PTPRN2: variants seen among roughly 807,000 people sequenced by gnomAD.
The protein encoded by PTPRN2 is protein tyrosine phosphatase receptor type N2.
Under a neutral mutation model 118.8 loss-of-function variants are expected in PTPRN2, and 74 were observed. The observed-to-expected ratio is 0.62, with a 90% CI of 0.52 to 0.76. The LOEUF (loss-of-function observed/expected upper bound fraction) is 0.76. Ranked by LOEUF, PTPRN2 falls within the 30% of genes least tolerant of loss-of-function variation. The probability of loss-of-function intolerance (pLI) is 0.00; values close to 1 mark genes in which losing one functional copy is unlikely to be tolerated. For synonymous variants in PTPRN2, 641 were observed against 608.0 expected, an observed-to-expected ratio of 1.05 and a Z score of -0.80; for missense variants, 1,481 against 1,394.4, an observed-to-expected ratio of 1.06 and a Z score of -0.99.
chr7:158,363,412 T>A (rs1809168363), intron 2 of PTPRN2, among the ~76,000 whole-genome samples: 1 of 152,088 alleles, frequency 6.6e-6, no homozygotes, highest in Non-Finnish European at 1.5e-5. Context: ...GCGAGCCCAA[T>A]TTCGGAAAAA....
intron 2 of PTPRN2, among the ~76,000 whole-genome samples, chr7:158,404,895 T>TC (rs1813275111): frequency 2.7e-4 from 10 of 37,218 alleles, no homozygotes; most frequent in Non-Finnish European, 4.5e-4. Flanking sequence ...CTCCTCGGCC[T>TC]CAGCTCCCCG....
rs575994977 is a variant in PTPRN2, at chr7:158,277,571, C to T, written c.277+39248G>A. 3.9e-5 allele frequency among the ~76,000 whole-genome samples: 6 copies of T among 152,318 alleles called. No individual in the cohort carries two copies. In the South Asian group the frequency reaches 6.2e-4, roughly 16 times the overall value. On this transcript the variant is annotated intron_variant, in intron 3 of 22. Transcript: ENST00000389418. Reference sequence around the variant, plus strand: ...AGTCTCCTCCTCATCACACAGCTCCCGAGGCCTGCCAGAAGCACCCCTTGA... The same window carrying T: ...AGTCTCCTCCTCATCACACAGCTCCTGAGGCCTGCCAGAAGCACCCCTTGA...
intron 6 of PTPRN2, among the ~76,000 whole-genome samples, chr7:158,146,805 C>T (rs185219742): frequency 6.6e-6 from 1 of 151,870 alleles, no homozygotes; most frequent in Non-Finnish European, 1.5e-5. Context: ...GTTCTCACAC[C>T]AGCACAGACA....
chr7:157,976,372 T>C (rs1802747756), intron 11 of PTPRN2, among the ~76,000 whole-genome samples: 1 of 152,188 alleles, frequency 6.6e-6, no homozygotes, highest in Non-Finnish European at 1.5e-5. Flanking sequence ...TAGCACCGGC[T>C]GGCACTCTCC....
rs568344164 is a variant in PTPRN2, at chr7:158,461,435, G to A, written c.163+28300C>T. On this transcript the variant is annotated intron_variant, in intron 2 of 22. Coordinates refer to ENST00000389418, the MANE Select transcript of PTPRN2 (RefSeq NM_002847.5). Reference sequence around the variant, plus strand: ...GGCATAAACCCGGGAGGCAGAGCTTGCAGTGAGCTGAGATGGTGCCACTGC... The same window carrying A: ...GGCATAAACCCGGGAGGCAGAGCTTACAGTGAGCTGAGATGGTGCCACTGC... 1.8e-4 allele frequency among the ~76,000 whole-genome samples: 27 copies of A among 151,412 alleles called. No individual in the cohort carries two copies. In the East Asian group the frequency reaches 4.7e-3, roughly 26 times the overall value.
Position 158,522,366 on chromosome 7 carries a change from C to G in PTPRN2, c.113-32581G>C, listed in dbSNP as rs796574690. Among the ~76,000 whole-genome samples the G allele has an allele frequency of 6.4e-3, 412 of 64,422 alleles. 22 individuals carry two copies. Among genetic ancestry groups the G allele is most frequent in the Middle Eastern group, 9.4e-3 (1 of 106 alleles). 42.3% of individuals were successfully genotyped at this position (64,422 alleles called of 152,430 possible). A position where few individuals can be genotyped will look rare whatever the true frequency, so the allele number is the denominator to read the frequency against. On this transcript the variant is annotated intron_variant, in intron 1 of 22. Transcript: ENST00000389418. The stretch of plus-strand genomic sequence containing the variant: ...GTCACAATGGTGGACTGTCCAGGTG[C>G]TGGCTCGGGAGGGAGGTCCACGTCA...
At chr7:157,665,126 C>T (rs1182262185) in intron 13 of PTPRN2, among the ~76,000 whole-genome samples, 1 of 152,242 alleles carries the variant, frequency 6.6e-6, no homozygotes, top group Non-Finnish European at 1.5e-5. Flanking sequence ...GGGGCACTGA[C>T]ACATTTTTGG....
intron 19 of PTPRN2, among the ~76,000 whole-genome samples, chr7:157,576,254 T>C (rs1406253755): frequency 6.6e-6 from 1 of 152,214 alleles, no homozygotes; most frequent in African/African-American, 2.4e-5. Context: ...TTTCATCCCA[T>C]GCAGCCAGAT....
intron 3 of PTPRN2, among the ~76,000 whole-genome samples, chr7:158,208,718 C>T (rs1450748270): frequency 6.6e-6 from 1 of 152,142 alleles, no homozygotes; most frequent in Non-Finnish European, 1.5e-5. Flanking sequence ...AGGTACAAAA[C>T]TCACTGGTAA....
intron 13 of PTPRN2, among the ~76,000 whole-genome samples, chr7:157,663,218 C>T (rs959161548): frequency 2.6e-5 from 4 of 152,084 alleles, no homozygotes; most frequent in African/African-American, 9.7e-5. Flanking sequence ...GCGAACAGCG[C>T]ACCAGGCCCG....
intron 3 of PTPRN2, among the ~76,000 whole-genome samples, chr7:158,227,936 G>T (rs1220330793): frequency 2.0e-5 from 3 of 151,178 alleles, no homozygotes; most frequent in African/African-American, 7.2e-5. Flanking sequence ...CCTTGACATG[G>T]TTTTAACTCA....
intron 1 of PTPRN2, among the ~76,000 whole-genome samples, chr7:158,564,354 G>A (rs1301296606): frequency 6.6e-6 from 1 of 152,258 alleles, no homozygotes; most frequent in Non-Finnish European, 1.5e-5. Flanking sequence ...GTGGGATTTG[G>A]GGGTAATAGA....
chr7:157,813,429 G>A lies in PTPRN2; in HGVS notation c.1788+85244C>T, dbSNP rs978003600. Among the ~76,000 whole-genome samples the A allele has an allele frequency of 2.6e-5, 4 of 152,118 alleles. No homozygotes were observed. The highest frequency in any genetic ancestry group is 5.9e-5 in the Non-Finnish European group (4 of 68,022). On this transcript the variant is annotated intron_variant, in intron 12 of 22. Transcript: ENST00000389418. The surrounding 1 kb of genome is among the most constrained non-coding windows in gnomAD (Gnocchi z 4.7). Reference sequence around the variant, plus strand: ...GACAGGGGTTCGATACGCCATTCAGGTCCCCAAAACAGCATGTGCAGCTCT... The same window carrying A: ...GACAGGGGTTCGATACGCCATTCAGATCCCCAAAACAGCATGTGCAGCTCT...
chr7:158,573,466 C>T (rs1364948235), intron 1 of PTPRN2, among the ~76,000 whole-genome samples: 2 of 152,150 alleles, frequency 1.3e-5, no homozygotes, highest in African/African-American at 2.4e-5. Flanking sequence ...GAGCTAGAAG[C>T]GGTCTGGAGG....
rs1806399014 is a variant in PTPRN2, at chr7:158,015,674, A to T, written c.1723+65624T>A. On this transcript the variant is annotated intron_variant, in intron 11 of 22. Transcript: ENST00000389418. This position sits in a 1 kb window ranked among gnomAD's most constrained non-coding sequence, Gnocchi z 4.2. ...CAACTGATTTTTGCCAGTAGCAGAGAACGTACGAGGTCTTTCTTCCTATTT... is the reference window on the plus strand; with the variant it reads ...CAACTGATTTTTGCCAGTAGCAGAGTACGTACGAGGTCTTTCTTCCTATTT... 6.6e-6 allele frequency among the ~76,000 whole-genome samples: 1 copy of T among 152,224 alleles called. No individual in the cohort carries two copies. Among genetic ancestry groups the T allele is most frequent in the African/African-American group, 2.4e-5 (1 of 41,452 alleles).
chr7:157,547,725 G>T (rs1417527315), intron 22 of PTPRN2, among the ~76,000 whole-genome samples: 1 of 152,198 alleles, frequency 6.6e-6, no homozygotes, highest in Admixed American at 6.5e-5. Context: ...ACACGCCTCA[G>T]TGGGTGTAGA....
At chr7:157,947,685 G>A (rs1800569508) in intron 11 of PTPRN2, among the ~76,000 whole-genome samples, 1 of 152,154 alleles carries the variant, frequency 6.6e-6, no homozygotes, top group Non-Finnish European at 1.5e-5. Context: ...TTTGATGAAA[G>A]ACATGAATAT....
rs550859806 is a variant in PTPRN2 at position 158,529,206 on chromosome 7, C to T, written c.113-39421G>A. Among the ~76,000 whole-genome samples the T allele has an allele frequency of 3.3e-5, 5 of 152,362 alleles. No individual in the cohort carries two copies. Among genetic ancestry groups the T allele is most frequent in the East Asian group, 3.9e-4 (2 of 5,192 alleles). On this transcript the variant is annotated intron_variant, in intron 1 of 22. Transcript: ENST00000389418. The surrounding 1 kb of genome is among the most constrained non-coding windows in gnomAD (Gnocchi z 4.7). ...CAGCACCTGGTGGGCACTAAGCACC[C>T]GTCGCTGTTGGTCCTGGGGCTAACG...
rs950982528 is a variant in PTPRN2, at chr7:157,622,048, TGTC to T, written c.2197-542_2197-540del. 1.3e-5 allele frequency among the ~76,000 whole-genome samples: 2 copies of T among 152,062 alleles called. No homozygotes were observed. Among genetic ancestry groups the T allele is most frequent in the African/African-American group, 4.8e-5 (2 of 41,414 alleles). ...TTTCGATCTTAATTTTTCTGGTGCT[TGTC>T]GTTGAGCATTACTATGAGTAGACAA... is the stretch of plus-strand genomic sequence containing the variant. On this transcript the variant is annotated intron_variant, in intron 14 of 22. Transcript: ENST00000389418. The surrounding 1 kb of genome is among the most constrained non-coding windows in gnomAD (Gnocchi z 5.3).
Sources: gnomAD v4.1 joint callset for allele counts (sites outside exome capture counted in the v4.1 genomes callset) on GRCh38, gnomAD v4.1.1 for gene constraint, Gnocchi (gnomAD v3.1) non-coding constraint, MANE v1.5 for transcripts, NCBI Gene and HGNC (gene_info 2026-07-23, HGNC 2026-07-21) for gene names.